The following PPFIA2 variants were observed in gnomAD, a reference collection of about 807,000 sequenced individuals.
The protein encoded by PPFIA2 is PPFI scaffold protein A2.
A neutral mutation model predicts 175.5 loss-of-function variants in PPFIA2; 46 were observed. That is an observed-to-expected ratio of 0.26 (90% CI 0.21 to 0.34). PPFIA2 has a LOEUF of 0.34. PPFIA2 is among the 10% of genes least tolerant of loss of function. The pLI, the probability that PPFIA2 is intolerant of heterozygous loss-of-function variation, is 1.00. For synonymous variants in PPFIA2, 568 were observed against 511.4 expected, an observed-to-expected ratio of 1.11 and a Z score of -1.49; for missense variants, 1,179 against 1,506.1, an observed-to-expected ratio of 0.78 and a Z score of 3.60.
chr12:81,453,477 A>G (rs572152380), intron 5 of PPFIA2, among the ~76,000 whole-genome samples: 1 of 152,054 alleles, frequency 6.6e-6, no homozygotes, highest in Non-Finnish European at 1.5e-5. Context: ...TCAGGAATAA[A>G]TTATTTTCTA....
At chr12:81,330,688 T>C (rs1293394205) in intron 21 of PPFIA2, among the ~76,000 whole-genome samples, 1 of 152,200 alleles carries the variant, frequency 6.6e-6, no homozygotes, top group African/African-American at 2.4e-5. Flanking sequence ...CAGAGGTCTC[T>C]GTCATTGTGT....
intron 23 of PPFIA2, 81 bp from the exon 24 acceptor site, chr12:81,295,116 T>C: frequency 1.5e-6 from 2 of 1,330,094 alleles, no homozygotes; most frequent in Admixed American, 2.0e-5. Context: ...AATTATTTTA[T>C]GTATCTTACA....
chr12:81,438,044 A>G (rs2049414111), intron 7 of PPFIA2, among the ~76,000 whole-genome samples: 1 of 151,872 alleles, frequency 6.6e-6, no homozygotes. Flanking sequence ...TTTTAACACT[A>G]CTAGCCTTTA....
intron 4 of PPFIA2, among the ~76,000 whole-genome samples, chr12:81,643,577 T>A (rs2065654952): frequency 6.6e-6 from 1 of 151,886 alleles, no homozygotes; most frequent in African/African-American, 2.4e-5. Context: ...ATTATTTGAG[T>A]TATGGATCTT....
chr12:81,706,799 C>A (rs2077207635), intron 3 of PPFIA2, among the ~76,000 whole-genome samples: 1 of 152,158 alleles, frequency 6.6e-6, no homozygotes, highest in African/African-American at 2.4e-5. Context: ...ACCAAAACAG[C>A]ATGGTACTGG....
rs1053443237 is a variant in PPFIA2, at chr12:81,303,646, C to G, written c.2643-4264G>C. 5.3e-5 allele frequency among the ~76,000 whole-genome samples: 8 copies of G among 152,132 alleles called. No homozygotes were observed. The East Asian group carries it at 1.2e-3, about 22-fold the overall frequency. On this transcript the variant is annotated intron_variant, in intron 22 of 32. Coordinates refer to ENST00000549396, the MANE Select transcript of PPFIA2 (RefSeq NM_003625.5). Reference sequence around the variant, plus strand: ...CTAGAAAGTGATATTTTAGGAGGCCCAACATGTGGTGAGCACTCAGGTCTG... The same window carrying G: ...CTAGAAAGTGATATTTTAGGAGGCCGAACATGTGGTGAGCACTCAGGTCTG...
At chr12:81,604,228 A>G (rs2060067654) in intron 4 of PPFIA2, among the ~76,000 whole-genome samples, 1 of 151,806 alleles carries the variant, frequency 6.6e-6, no homozygotes, top group South Asian at 2.1e-4. Flanking sequence ...AAGAGAATCA[A>G]TGTTTGAAAC....
At chr12:81,496,377 A>G (rs11114887) in intron 4 of PPFIA2, among the ~76,000 whole-genome samples, 10,803 of 152,226 alleles carry the variant, frequency 0.071, 548 homozygotes, top group East Asian at 0.2. Context: ...AAAATTGCCA[A>G]TATATTAGAT....
intron 3 of PPFIA2, among the ~76,000 whole-genome samples, chr12:81,693,962 A>G (rs1218502107): frequency 6.6e-6 from 1 of 152,098 alleles, no homozygotes; most frequent in Non-Finnish European, 1.5e-5. Flanking sequence ...TATTTGATGA[A>G]AGAAATTTCT....
intron 16 of PPFIA2, among the ~76,000 whole-genome samples, chr12:81,357,100 G>A (rs1026167041): frequency 2.6e-5 from 4 of 152,148 alleles, no homozygotes; most frequent in African/African-American, 9.7e-5. Flanking sequence ...AAGACCACAT[G>A]ATACTTCCCT....
intron 23 of PPFIA2, chr12:81,297,915 T>A (rs1425492832): frequency 6.6e-6 from 1 of 152,250 alleles, no homozygotes. Context: ...TCATCTTGTT[T>A]ATTCCATTTT....
intron 21 of PPFIA2, among the ~76,000 whole-genome samples, chr12:81,336,480 G>A (rs1052424681): frequency 2.0e-5 from 3 of 152,088 alleles, no homozygotes; most frequent in Admixed American, 6.6e-5. Flanking sequence ...CTAGCATTTC[G>A]AAGTATTATA....
At chr12:81,739,165 A>G (rs1037294178) in intron 3 of PPFIA2, among the ~76,000 whole-genome samples, 65 of 152,144 alleles carry the variant, frequency 4.3e-4, no homozygotes, top group African/African-American at 1.5e-3. Flanking sequence ...TTATTATTCT[A>G]ACACAGAACT....
chr12:81,265,762 C>A lies in PPFIA2; in HGVS notation c.3555+1190G>T, dbSNP rs1255555834. ...CTAGTTCATTACTATTAAGAAGCTACCCCACACCTGGACAGCTCCTAAGAG... is the reference window on the plus strand; with the variant it reads ...CTAGTTCATTACTATTAAGAAGCTAACCCACACCTGGACAGCTCCTAAGAG... On this transcript the variant is annotated intron_variant, in intron 30 of 32. Transcript: ENST00000549396. Among the ~76,000 whole-genome samples the A allele has an allele frequency of 3.9e-5, 6 of 152,114 alleles. No homozygotes were observed. The East Asian group carries it at 9.6e-4, about 24-fold the overall frequency.
chr12:81,703,692 C>T (rs527646982), intron 3 of PPFIA2, among the ~76,000 whole-genome samples: 4 of 152,140 alleles, frequency 2.6e-5, no homozygotes, highest in Non-Finnish European at 5.9e-5. Flanking sequence ...ACCATAATCC[C>T]GTGCCTTGGC....
chr12:81,648,474 AT>A (rs1030777320), intron 4 of PPFIA2, among the ~76,000 whole-genome samples: 1 of 152,076 alleles, frequency 6.6e-6, no homozygotes, highest in Non-Finnish European at 1.5e-5. Context: ...TATTAAAACA[AT>A]TTTGAGAAAA....
intron 4 of PPFIA2, among the ~76,000 whole-genome samples, chr12:81,592,771 T>G (rs1288524156): frequency 6.6e-6 from 1 of 152,084 alleles, no homozygotes; most frequent in African/African-American, 2.4e-5. Context: ...GAAAACGAAC[T>G]AATACACAGG....
chr12:81,496,348 T>C (rs1329146044), intron 4 of PPFIA2, among the ~76,000 whole-genome samples: 1 of 152,172 alleles, frequency 6.6e-6, no homozygotes, highest in Non-Finnish European at 1.5e-5. Flanking sequence ...AAGAAGAATA[T>C]TTTTGGAGAC....
intron 4 of PPFIA2, among the ~76,000 whole-genome samples, chr12:81,459,961 G>A (rs1013582697): frequency 1.3e-5 from 2 of 152,062 alleles, no homozygotes; most frequent in South Asian, 2.1e-4. Context: ...AGTTAGCTCT[G>A]AGCATCATTC....
Sources: allele counts gnomAD v4.1 joint callset (sites outside exome capture counted in the v4.1 genomes callset), GRCh38; gene constraint gnomAD v4.1.1; transcripts MANE v1.5; gene names NCBI Gene and HGNC (gene_info 2026-07-23, HGNC 2026-07-21).